Variants in FAM91A1 observed in about 807,000 individuals in gnomAD.
The protein encoded by FAM91A1 is family with sequence similarity 91 member A1, also known as protein FAM91A1.
Under a neutral mutation model 113.5 loss-of-function variants are expected in FAM91A1, and 41 were observed. That is an observed-to-expected ratio of 0.36 (90% CI 0.28 to 0.47). The LOEUF (loss-of-function observed/expected upper bound fraction) is 0.47. Ranked by LOEUF, FAM91A1 falls within the 20% of genes least tolerant of loss-of-function variation. FAM91A1 has a pLI of 1.00. For missense variants in FAM91A1, 696 were observed against 1,001.2 expected (o/e 0.70, Z 4.11); for synonymous variants, 307 against 347.9 (o/e 0.88, Z 1.31).
chr8:123,798,069 G>A (rs1482900732), intron 15 of FAM91A1, 21 bp from the exon 16 acceptor site: 2 of 1,603,600 alleles, frequency 1.2e-6, no homozygotes, highest in African/African-American at 1.3e-5. Context: ...TATTCTGTGT[G>A]TGTGCTTGAT....
At chr8:123,782,791 C>T (rs1356626773) in intron 8 of FAM91A1, among the ~76,000 whole-genome samples, 1 of 152,158 alleles carries the variant, frequency 6.6e-6, no homozygotes, top group Non-Finnish European at 1.5e-5. Flanking sequence ...CATGTAGAGT[C>T]ACCTTACTCT....
Position 123,798,087 on chromosome 8 carries a change from C to T in FAM91A1, c.1412-3C>T. On this transcript the variant is annotated splice_region_variant and splice_polypyrimidine_tract_variant and intron_variant, in intron 15 of 23. Coordinates refer to ENST00000334705, the MANE Select transcript of FAM91A1 (RefSeq NM_144963.4). ...TCTGTGTGTGTGCTTGATCATAACTCAGGTTTTCCTCTGGATCTCTTACGC... is the reference window on the plus strand; with the variant it reads ...TCTGTGTGTGTGCTTGATCATAACTTAGGTTTTCCTCTGGATCTCTTACGC... The T allele has an allele frequency of 6.2e-7, 1 of 1,610,738 alleles. No individual in the cohort carries two copies. Among genetic ancestry groups the T allele is most frequent in the South Asian group, 1.1e-5 (1 of 90,730 alleles).
rs1288946130 is a variant in FAM91A1, at chr8:123,787,531, A to G, written c.1192-133A>G. On this transcript the variant is annotated intron_variant, in intron 13 of 23. Transcript: ENST00000334705. The stretch of plus-strand genomic sequence containing the variant: ...AACTTTCAGGGAAGGTCCTTTTGTA[A>G]TTGGAAGAATTAGCCCCTCACCCCC... 1.0e-5 allele frequency: 10 copies of G among 973,762 alleles called. No homozygotes were observed. In the Admixed American group the frequency reaches 1.1e-4, roughly 11 times the overall value. 60.3% of individuals were successfully genotyped at this position (973,762 alleles called of 1,614,324 possible).
chr8:123,800,812 C>T (rs918879333), intron 18 of FAM91A1, among the ~76,000 whole-genome samples: 3 of 152,138 alleles, frequency 2.0e-5, no homozygotes, highest in African/African-American at 7.2e-5. Context: ...CTTCATTTAA[C>T]ATAATGTTTT....
intron 20 of FAM91A1, among the ~76,000 whole-genome samples, chr8:123,806,740 T>C (rs914520855): frequency 6.6e-6 from 1 of 152,156 alleles, no homozygotes; most frequent in African/African-American, 2.4e-5. Context: ...TTCTCTTCAT[T>C]TTAAATTCTC....
At chr8:123,805,146 A>G in intron 18 of FAM91A1, 121 bp from the exon 19 acceptor site, 1 of 705,348 alleles carries the variant, frequency 1.4e-6, no homozygotes, top group Non-Finnish European at 2.3e-6. Context: ...TTGTTGAAAG[A>G]ATTTTGATGA....
At chr8:123,793,141 A>G (rs141242553) in intron 15 of FAM91A1, among the ~76,000 whole-genome samples, 109 of 151,952 alleles carry the variant, frequency 7.2e-4, no homozygotes, top group African/African-American at 2.5e-3. Flanking sequence ...ACTTCCTCAC[A>G]CCCCATGCTT....
chr8:123,771,682 C>G (rs1814842156), intron 1 of FAM91A1, among the ~76,000 whole-genome samples: 2 of 152,048 alleles, frequency 1.3e-5, no homozygotes, highest in African/African-American at 2.4e-5. Context: ...TGAGGGAAAT[C>G]TTATGATAAG....
At chr8:123,777,933 A>AC in intron 4 of FAM91A1, 92 bp from the exon 5 acceptor site, 2 of 1,086,288 alleles carry the variant, frequency 1.8e-6, no homozygotes, top group Non-Finnish European at 2.7e-6. Flanking sequence ...GAAAGATGAA[A>AC]ATAAGCTCGG....
chr8:123,779,413 A>G (rs1815064659), intron 6 of FAM91A1, among the ~76,000 whole-genome samples: 1 of 152,178 alleles, frequency 6.6e-6, no homozygotes, highest in Non-Finnish European at 1.5e-5. Flanking sequence ...ATATTGGTTT[A>G]GAGGAAAGGG....
At chr8:123,806,360 C>A in intron 20 of FAM91A1, 131 bp downstream of exon 20, 1 of 995,114 alleles carries the variant, frequency 1.0e-6, no homozygotes, top group Non-Finnish European at 1.4e-6. Context: ...TTCACTGAAG[C>A]ACGAGGAAAT....
chr8:123,787,272 A>G lies in FAM91A1; in HGVS notation c.1090A>G (p.Ser364Gly), dbSNP rs1284246076. 8.1e-6 allele frequency: 13 copies of G among 1,609,400 alleles called. No homozygotes were observed. Among genetic ancestry groups the G allele is most frequent in the African/African-American group, 1.3e-5 (1 of 74,794 alleles). ...NSQEDPADTA[S>G]VSSLSLSTGH... ...ATGGTGTTTTTCAGCTGACACAGCC[A>G]GTGTAAGCAGCCTGAGTCTGTCTAC... is the stretch of plus-strand genomic sequence containing the variant. Residue 364 changes from serine (S) to glycine (G), a missense_variant, in exon 13 of 24, where the codon AGT becomes GGT. Physicochemically the swap from Ser to Gly is moderately conservative, Grantham distance 56 (BLOSUM62 0). Transcript: ENST00000334705.
chr8:123,789,167 T>C (rs527576316), intron 14 of FAM91A1, among the ~76,000 whole-genome samples: 1 of 152,316 alleles, frequency 6.6e-6, no homozygotes. Flanking sequence ...TTAAGCTGTG[T>C]GTTCAGCAAT....
chr8:123,784,608 T>A, intron 9 of FAM91A1, 32 bp downstream of exon 9: 6 of 1,479,026 alleles, frequency 4.1e-6, no homozygotes, highest in Non-Finnish European at 4.6e-6. Context: ...GAAAATATAA[T>A]CTCAAGATTG....
rs1466232222 is a variant in FAM91A1 at position 123,784,632 on chromosome 8, AG to A, written c.810+57del. The stretch of plus-strand genomic sequence containing the variant: ...ATCTCAAGATTGTAAGTTTGTGTAA[AG>A]TAAGTAAAGTTATTTAATATGGTAG... On this transcript the variant is annotated intron_variant, in intron 9 of 23. Coordinates refer to ENST00000334705, the MANE Select transcript of FAM91A1 (RefSeq NM_144963.4). 4 of 1,290,912 alleles carry A rather than the reference AG, an allele frequency of 3.1e-6. No individual in the cohort carries two copies. In the African/African-American group the frequency reaches 6.0e-5, roughly 19 times the overall value. 80.0% of individuals were successfully genotyped at this position (1,290,912 alleles called of 1,614,324 possible).
At chr8:123,798,964 C>A (rs1815610853) in intron 16 of FAM91A1, among the ~76,000 whole-genome samples, 2 of 152,198 alleles carry the variant, frequency 1.3e-5, no homozygotes, top group African/African-American at 4.8e-5. Flanking sequence ...AAATAATTCT[C>A]TGTGCACACC....
At position 123,808,883 on chromosome 8, in the gene FAM91A1, C is replaced by T; in HGVS notation, c.2138-10C>T. ...ATGATAAAAAAATAAGTTTATGTAT[C>T]CTTTCTTAGGTGCCACAACAGAAGC... On this transcript the variant is annotated splice_polypyrimidine_tract_variant and intron_variant, in intron 21 of 23. Transcript: ENST00000334705. 6.2e-7 allele frequency: 1 copy of T among 1,605,308 alleles called. No homozygotes were observed. The highest frequency in any genetic ancestry group is 8.5e-7 in the Non-Finnish European group (1 of 1,176,084).
At chr8:123,772,356 AAG>A (rs944424506) in intron 1 of FAM91A1, among the ~76,000 whole-genome samples, 11 of 152,208 alleles carry the variant, frequency 7.2e-5, no homozygotes, top group African/African-American at 2.4e-4. Flanking sequence ...TTCCCTGAGA[AAG>A]AGACTTTTAT....
At position 123,785,669 on chromosome 8, in the gene FAM91A1, A is replaced by T; in HGVS notation, c.890A>T (p.Lys297Met). 1 of 1,610,026 alleles carries T rather than the reference A, an allele frequency of 6.2e-7. No individual in the cohort carries two copies. Among genetic ancestry groups the T allele is most frequent in the Non-Finnish European group, 8.5e-7 (1 of 1,178,968 alleles). The change falls in exon 11 of 24, where the codon AAG (lysine) becomes ATG (methionine). Residue 297 changes from lysine to methionine, a missense_variant. Lys to Met is a moderately conservative substitution (Grantham distance 95). Transcript: ENST00000334705. ...SMYCRLGFAHKKGQVINLDQL... is the reference protein window; with the variant it reads ...SMYCRLGFAHMKGQVINLDQL... ...TATTGCCGATTGGGCTTTGCCCATAAGAAGGGACAAGTAATTAATTTGGAT... is the reference window on the plus strand; with the variant it reads ...TATTGCCGATTGGGCTTTGCCCATATGAAGGGACAAGTAATTAATTTGGAT...
Sources: gnomAD v4.1 joint callset for allele counts (sites outside exome capture counted in the v4.1 genomes callset) on GRCh38, gnomAD v4.1.1 for gene constraint, MANE v1.5 for transcripts, NCBI Gene and HGNC (gene_info 2026-07-23, HGNC 2026-07-21) for gene names.